The following PALM2AKAP2 variants were observed in gnomAD, a reference collection of about 807,000 sequenced individuals.
PALM2AKAP2 encodes the protein PALM2-AKAP2 fusion protein.
In PALM2AKAP2, 37 loss-of-function variants were observed where a neutral mutation model predicts 71.5. That is an observed-to-expected ratio of 0.52 (90% CI 0.40 to 0.68). The LOEUF is 0.68. Ranked by LOEUF, PALM2AKAP2 falls within the 30% of genes least tolerant of loss-of-function variation. The pLI is 0.00. For synonymous variants in PALM2AKAP2, 468 were observed against 478.8 expected (o/e 0.98, Z 0.29); for missense variants, 1,224 against 1,191.8 (o/e 1.03, Z -0.40).
chr9:109,841,393 C>G (rs191042991), intron 1 of PALM2AKAP2, among the ~76,000 whole-genome samples: 2,429 of 146,126 alleles, frequency 0.017, 61 homozygotes, highest in African/African-American at 0.047. Flanking sequence ...GGAGGGATAG[C>G]ATTAGGAGAT....
At chr9:110,080,128 A>C (rs1166003368) in intron 1 of PALM2AKAP2, among the ~76,000 whole-genome samples, 3 of 150,938 alleles carry the variant, frequency 2.0e-5, no homozygotes, top group Non-Finnish European at 4.4e-5. Context: ...TGAAAAATCA[A>C]CTTTGTTCTT....
intron 3 of PALM2AKAP2, among the ~76,000 whole-genome samples, chr9:109,900,216 G>A (rs1486972692): frequency 6.6e-6 from 1 of 152,160 alleles, no homozygotes; most frequent in Non-Finnish European, 1.5e-5. Flanking sequence ...GAAGGAGATT[G>A]TTTTCTTGAC....
intron 1 of PALM2AKAP2, among the ~76,000 whole-genome samples, chr9:109,770,554 C>T (rs1829244497): frequency 6.6e-6 from 1 of 152,168 alleles, no homozygotes; most frequent in Non-Finnish European, 1.5e-5. Context: ...CAAAATGTTA[C>T]AAAAGGTTTG....
intron 3 of PALM2AKAP2, among the ~76,000 whole-genome samples, chr9:109,907,063 C>T (rs1830461360): frequency 6.6e-6 from 1 of 152,142 alleles, no homozygotes; most frequent in African/African-American, 2.4e-5. Flanking sequence ...TGTCTGAACA[C>T]CTCTATGCCT....
At chr9:110,027,143 C>T (rs1588065917) in intron 7 of PALM2AKAP2, among the ~76,000 whole-genome samples, 1 of 152,156 alleles carries the variant, frequency 6.6e-6, no homozygotes, top group East Asian at 1.9e-4. Context: ...TTGCTGGTTA[C>T]AAAAGTTCCT....
In PALM2AKAP2 at chr9:109,880,672, A is replaced by G. The variant is rs1829826367; in HGVS notation, c.248A>G (p.Asn83Ser). 14 of 1,613,912 alleles carry G rather than the reference A, an allele frequency of 8.7e-6. No homozygotes were observed. Among genetic ancestry groups the G allele is most frequent in the Non-Finnish European group, 1.1e-5 (13 of 1,179,880 alleles). ...TTCAGAGTCAAGCAACTTGAAGATAACATTCAGAGGTAGGTGGCTTCCAGC... is the reference window on the plus strand; with the variant it reads ...TTCAGAGTCAAGCAACTTGAAGATAGCATTCAGAGGTAGGTGGCTTCCAGC... Residue 83 changes from asparagine (N) to serine (S), a missense_variant, in exon 3 of 10, where the codon AAC (asparagine) becomes AGC (serine). Physicochemically the swap from Asn to Ser is conservative, Grantham distance 46. Coordinates refer to the PALM2AKAP2 transcript ENST00000302798.
At chr9:109,884,085 G>A (rs1006432986) in intron 3 of PALM2AKAP2, among the ~76,000 whole-genome samples, 1 of 152,192 alleles carries the variant, frequency 6.6e-6, no homozygotes, top group African/African-American at 2.4e-5. Flanking sequence ...CAGTTTTCCA[G>A]GAGCATGATT....
chr9:109,700,369 G>T (rs1205161291), intron 1 of PALM2AKAP2, among the ~76,000 whole-genome samples: 3 of 152,088 alleles, frequency 2.0e-5, no homozygotes, highest in African/African-American at 7.2e-5. Context: ...CATGTAAGAC[G>T]TGACTTTGCT....
chr9:109,978,355 A>T (rs771195803), intron 6 of PALM2AKAP2, among the ~76,000 whole-genome samples: 6 of 152,176 alleles, frequency 3.9e-5, no homozygotes, highest in Non-Finnish European at 7.4e-5. Flanking sequence ...GGATGGGCTC[A>T]TCTATTCACC....
chr9:110,006,105 C>T (rs1749183465), intron 6 of PALM2AKAP2, among the ~76,000 whole-genome samples: 1 of 152,196 alleles, frequency 6.6e-6, no homozygotes, highest in African/African-American at 2.4e-5. Flanking sequence ...AATCGTTTGT[C>T]TTCTGCGTCA....
At chr9:110,092,434 A>G (rs1258622683) in intron 1 of PALM2AKAP2, among the ~76,000 whole-genome samples, 4 of 152,220 alleles carry the variant, frequency 2.6e-5, no homozygotes, top group Non-Finnish European at 4.4e-5. Context: ...TAATTAATGA[A>G]TGTAGAACTG....
rs57708385 is a variant in PALM2AKAP2, at chr9:110,034,604, C to CTTTTTT, written c.582+18583_582+18588dup. ...AATAACTATCAAGCCATATATTCCC[C>CTTTTTT]TTTTTTTTTTTTTTTTTTTTTTTGA... On this transcript the variant is annotated intron_variant, in intron 7 of 9. Transcript: ENST00000302798. Among the ~76,000 whole-genome samples, 66 of 118,328 alleles carry CTTTTTT rather than the reference C, an allele frequency of 5.6e-4. 1 individual carries two copies. The highest frequency in any genetic ancestry group is 2.1e-3 in the African/African-American group (61 of 28,404). 77.6% of individuals were successfully genotyped at this position (118,328 alleles called of 152,430 possible).
Position 110,076,268 on chromosome 9 carries a change from A to G in PALM2AKAP2, c.156+27413A>G, listed in dbSNP as rs566547793. ...TACACGTGGTCCTTAATAGCTATAA[A>G]ATATTCCACCGAATTTTACCTAGAT... On this transcript the variant is annotated intron_variant, in intron 1 of 3. Transcript: ENST00000374525. Among the ~76,000 whole-genome samples, 15 of 152,052 alleles carry G rather than the reference A, an allele frequency of 9.9e-5. No individual in the cohort carries two copies. The East Asian group carries it at 2.9e-3, about 29-fold the overall frequency.
intron 1 of PALM2AKAP2, among the ~76,000 whole-genome samples, chr9:109,860,974 G>T (rs905221275): frequency 6.6e-6 from 1 of 152,308 alleles, no homozygotes; most frequent in South Asian, 2.1e-4. Flanking sequence ...AGATTGCAAC[G>T]TTTACAATTT....
chr9:110,095,217 C>T (rs35859552), intron 1 of PALM2AKAP2, among the ~76,000 whole-genome samples: 3,136 of 152,286 alleles, frequency 0.021, 41 homozygotes, highest in Middle Eastern at 0.041. Flanking sequence ...TGCCTAGGAA[C>T]AAGGGACTGC....
At chr9:109,730,622 T>C (rs1828543946) in intron 1 of PALM2AKAP2, among the ~76,000 whole-genome samples, 1 of 152,240 alleles carries the variant, frequency 6.6e-6, no homozygotes, top group South Asian at 2.1e-4. Flanking sequence ...GGATTTGGCT[T>C]AAGAAATCTA....
chr9:109,713,842 A>C (rs764581690), intron 1 of PALM2AKAP2, among the ~76,000 whole-genome samples: 3 of 152,248 alleles, frequency 2.0e-5, no homozygotes, highest in Non-Finnish European at 4.4e-5. Context: ...ATATTTTTAC[A>C]TATTACATTT....
rs547406404 is a variant in PALM2AKAP2, at chr9:109,798,441, G to A, written c.45+17908G>A. On this transcript the variant is annotated intron_variant, in intron 1 of 9. Coordinates refer to the PALM2AKAP2 transcript ENST00000302798. Reference sequence around the variant, plus strand: ...TGGCTAAGGGGCCTGTAAACAATGGGTGCCATATGCCATTAATGGCTCAAA... The same window carrying A: ...TGGCTAAGGGGCCTGTAAACAATGGATGCCATATGCCATTAATGGCTCAAA... Among the ~76,000 whole-genome samples, 3 of 152,302 alleles carry A rather than the reference G, an allele frequency of 2.0e-5. No homozygotes were observed. In the East Asian group the frequency reaches 5.8e-4, roughly 29 times the overall value.
intron 1 of PALM2AKAP2, among the ~76,000 whole-genome samples, chr9:109,660,945 G>A (rs145951186): frequency 6.6e-6 from 1 of 152,076 alleles, no homozygotes. Context: ...TCATGGGTCT[G>A]TTGGCTGCAT....
Sources: gnomAD v4.1 joint callset for allele counts (sites outside exome capture counted in the v4.1 genomes callset) on GRCh38, gnomAD v4.1.1 for gene constraint, MANE v1.5 for transcripts, NCBI Gene and HGNC (gene_info 2026-07-23, HGNC 2026-07-21) for gene names.